The following SGCD variants were observed in gnomAD, a reference collection of about 807,000 sequenced individuals.
SGCD encodes the protein delta-sarcoglycan.
In SGCD, 18 loss-of-function variants were observed where a neutral mutation model predicts 36.6. The ratio of observed to expected loss-of-function variants is 0.49; its 90% CI spans 0.34 to 0.73. SGCD has a LOEUF of 0.73. Ranked by LOEUF, SGCD falls within the 30% of genes least tolerant of loss-of-function variation. The pLI, the probability that SGCD is intolerant of heterozygous loss-of-function variation, is 0.01. For missense variants in SGCD, 387 were observed against 346.7 expected, an observed-to-expected ratio of 1.12 and a Z score of -0.92; for synonymous variants, 133 against 130.6, an observed-to-expected ratio of 1.02 and a Z score of -0.12.
intron 3 of SGCD, among the ~76,000 whole-genome samples, chr5:156,475,219 A>G (rs1396396513): frequency 6.6e-6 from 1 of 152,096 alleles, no homozygotes; most frequent in Non-Finnish European, 1.5e-5. Flanking sequence ...ATTATTTTTT[A>G]TCCATTACAG....
intron 3 of SGCD, among the ~76,000 whole-genome samples, chr5:156,364,811 C>G (rs1481343587): frequency 6.6e-6 from 1 of 152,136 alleles, no homozygotes; most frequent in Non-Finnish European, 1.5e-5. Flanking sequence ...GGCTTGGAAA[C>G]TTTTTCCAAA....
chr5:155,940,044 G>C (rs1394667636), intron 1 of SGCD, among the ~76,000 whole-genome samples: 2 of 152,004 alleles, frequency 1.3e-5, no homozygotes, highest in Non-Finnish European at 2.9e-5. Flanking sequence ...TGTTGGTCAG[G>C]CTGGTCTTGA....
chr5:155,739,355 T>C, the SGCD span, among the ~76,000 whole-genome samples: 1 of 152,138 alleles, frequency 6.6e-6, no homozygotes, highest in Non-Finnish European at 1.5e-5. Flanking sequence ...AGTTTCACAG[T>C]TGAGAACCAG....
intron 2 of SGCD, among the ~76,000 whole-genome samples, chr5:156,336,328 A>T (rs903061853): frequency 6.6e-6 from 1 of 152,162 alleles, no homozygotes; most frequent in Non-Finnish European, 1.5e-5. Context: ...CATCTCTTAA[A>T]CAGGAACTCC....
At chr5:155,829,496 A>T in the SGCD span, among the ~76,000 whole-genome samples, 1 of 152,132 alleles carries the variant, frequency 6.6e-6, no homozygotes, top group South Asian at 2.1e-4. Flanking sequence ...GACACAATGA[A>T]CTCCTGTGCA....
At chr5:156,054,957 TC>T (rs1380621017) in intron 1 of SGCD, among the ~76,000 whole-genome samples, 1 of 145,560 alleles carries the variant, frequency 6.9e-6, no homozygotes, top group East Asian at 1.9e-4. Context: ...TTCTATTTTT[TC>T]ACTCATTCAG....
At chr5:156,298,322 T>A (rs1766953165) in intron 3 of SGCD, among the ~76,000 whole-genome samples, 1 of 152,124 alleles carries the variant, frequency 6.6e-6, no homozygotes, top group Non-Finnish European at 1.5e-5. Context: ...GATCTTTAAA[T>A]TTTTTAGGAA....
In SGCD at chr5:156,058,865, G is replaced by A. The variant is rs1054772280; in HGVS notation, c.-281-59013G>A. On this transcript the variant is annotated intron_variant, in intron 1 of 9. Coordinates refer to the SGCD transcript ENST00000517913. ...GTAGGAATATAGATGAAACAAGATTGGCCGTGAGTTATTAGTTATACTGAA... is the reference window on the plus strand; with the variant it reads ...GTAGGAATATAGATGAAACAAGATTAGCCGTGAGTTATTAGTTATACTGAA... 9.6e-5 allele frequency among the ~76,000 whole-genome samples: 14 copies of A among 145,572 alleles called. 1 individual carries two copies. Among genetic ancestry groups the A allele is most frequent in the African/African-American group, 2.7e-4 (11 of 40,554 alleles).
chr5:156,281,432 C>T (rs1430507148), intron 3 of SGCD, among the ~76,000 whole-genome samples: 1 of 152,062 alleles, frequency 6.6e-6, no homozygotes, highest in African/African-American at 2.4e-5. Flanking sequence ...GAGAGGGTAT[C>T]CTGTGTGCCT....
At chr5:156,311,209 C>T (rs1767380983) in intron 3 of SGCD, among the ~76,000 whole-genome samples, 1 of 151,976 alleles carries the variant, frequency 6.6e-6, no homozygotes, top group African/African-American at 2.4e-5. Flanking sequence ...GCTATTTTAC[C>T]ACTCCCTGCT....
intron 1 of SGCD, among the ~76,000 whole-genome samples, chr5:156,020,965 A>G (rs1003978174): frequency 6.6e-6 from 1 of 152,236 alleles, no homozygotes; most frequent in Non-Finnish European, 1.5e-5. Flanking sequence ...TGCACAGAAA[A>G]CAAAACAATC....
At chr5:156,513,738 T>C (rs955066063) in intron 4 of SGCD, among the ~76,000 whole-genome samples, 31 of 152,214 alleles carry the variant, frequency 2.0e-4, no homozygotes, top group African/African-American at 7.5e-4. Flanking sequence ...TACAAATTGA[T>C]TAGTGTGATA....
At chr5:155,870,582 C>A (rs1240375545) in intron 1 of SGCD, among the ~76,000 whole-genome samples, 1 of 152,058 alleles carries the variant, frequency 6.6e-6, no homozygotes, top group Non-Finnish European at 1.5e-5. Flanking sequence ...TAGTGATTGG[C>A]AGAAAAATAG....
At chr5:156,246,306 C>T (rs1485203889) in intron 3 of SGCD, among the ~76,000 whole-genome samples, 1 of 152,118 alleles carries the variant, frequency 6.6e-6, no homozygotes. Flanking sequence ...AAAATCAGCA[C>T]ATTTTCATCT....
the SGCD span, among the ~76,000 whole-genome samples, chr5:155,729,970 T>A: frequency 2.0e-5 from 3 of 152,140 alleles, no homozygotes; most frequent in Non-Finnish European, 4.4e-5. Context: ...CCAAAACTCA[T>A]AGTTTCGCTC....
chr5:156,423,650 G>A (rs1195736919), intron 3 of SGCD, among the ~76,000 whole-genome samples: 3 of 151,248 alleles, frequency 2.0e-5, no homozygotes, highest in Admixed American at 6.6e-5. Flanking sequence ...GAAGGAGGGA[G>A]GGCAGCCTCT....
chr5:156,516,437 G>A (rs550212386), intron 4 of SGCD, among the ~76,000 whole-genome samples: 1 of 152,132 alleles, frequency 6.6e-6, no homozygotes, highest in South Asian at 2.1e-4. Context: ...TACAGAAGAG[G>A]GGCCTGACTG....
At position 156,589,215 on chromosome 5, in the gene SGCD, T is replaced by C; in HGVS notation, c.295-16T>C. The C allele has an allele frequency of 6.6e-7, 1 of 1,506,948 alleles. No homozygotes were observed. Among genetic ancestry groups the C allele is most frequent in the Non-Finnish European group, 9.1e-7 (1 of 1,104,198 alleles). 93.3% of individuals were successfully genotyped at this position (1,506,948 alleles called of 1,614,324 possible). ...ATCTATCATTTTCATGTCTTTCTCT[T>C]ATTTTCTTATTGCAGGGTAATGCCC... On this transcript the variant is annotated splice_polypyrimidine_tract_variant and intron_variant, in intron 4 of 8. Transcript: ENST00000337851.
Position 156,389,723 on chromosome 5 carries a change from T to TA in SGCD, c.192+45047dup, listed in dbSNP as rs1771462841. Among the ~76,000 whole-genome samples the TA allele has an allele frequency of 2.0e-5, 3 of 152,290 alleles. No homozygotes were observed. In the South Asian group the frequency reaches 6.2e-4, roughly 32 times the overall value. On this transcript the variant is annotated intron_variant, in intron 3 of 8. Transcript: ENST00000337851. ...GGCCACAGGCTGATACAGGTTTGTG[T>TA]ACCAGGATTGGAGACCCCTGATGTA...
Sources: gnomAD v4.1 joint callset for allele counts (sites outside exome capture counted in the v4.1 genomes callset) on GRCh38, gnomAD v4.1.1 for gene constraint, MANE v1.5 for transcripts, NCBI Gene and HGNC (gene_info 2026-07-23, HGNC 2026-07-21) for gene names.